MAP3K13: variants seen among roughly 807,000 people sequenced by gnomAD.
The protein encoded by MAP3K13 is mitogen-activated protein kinase kinase kinase 13, also known as leucine zipper-bearing kinase.
MAP3K13 carries 52 observed loss-of-function variants against 104.0 expected under a neutral mutation model. The observed-to-expected ratio is 0.50, with a 90% CI of 0.40 to 0.63. The LOEUF is 0.63. Ranked by LOEUF, MAP3K13 falls within the 20% of genes least tolerant of loss-of-function variation. The pLI is 0.00. For missense variants in MAP3K13, 914 were observed against 1,218.5 expected (o/e 0.75, Z 3.72); for synonymous variants, 394 against 442.2 (o/e 0.89, Z 1.37).
chr3:185,402,056 T>G (rs1231114323), intron 1 of MAP3K13, among the ~76,000 whole-genome samples: 11 of 152,210 alleles, frequency 7.2e-5, no homozygotes, highest in Admixed American at 7.2e-4. Flanking sequence ...CCCTTCTGGA[T>G]TAAATCAGAT....
chr3:185,477,403 C>T lies in MAP3K13; in HGVS notation c.2501+7C>T, dbSNP rs1186925659. The T allele has an allele frequency of 6.2e-7, 1 of 1,605,082 alleles. No homozygotes were observed. Among genetic ancestry groups the T allele is most frequent in the African/African-American group, 1.3e-5 (1 of 74,710 alleles). ...AATTTCCACGAAGACAGAGGTAAAACCAACAAATGCACACGATTGCTTTTA... is the reference window on the plus strand; with the variant it reads ...AATTTCCACGAAGACAGAGGTAAAATCAACAAATGCACACGATTGCTTTTA... On this transcript the variant is annotated splice_region_variant and intron_variant, in intron 12 of 13. Transcript: ENST00000265026.
chr3:185,380,682 T>C (rs747715778), intron 1 of MAP3K13, among the ~76,000 whole-genome samples: 11 of 152,178 alleles, frequency 7.2e-5, no homozygotes, highest in Admixed American at 3.3e-4. Flanking sequence ...AGACTTTTAA[T>C]GTGCCTAGAA....
At chr3:185,403,081 G>A (rs1335452154) in intron 1 of MAP3K13, among the ~76,000 whole-genome samples, 5 of 152,248 alleles carry the variant, frequency 3.3e-5, no homozygotes, top group African/African-American at 7.2e-5. Context: ...AAGAAAAACC[G>A]TGCCAAACCT....
At chr3:185,466,685 G>A in intron 9 of MAP3K13, 141 bp from the exon 10 acceptor site, 3 of 1,046,384 alleles carry the variant, frequency 2.9e-6, no homozygotes, top group South Asian at 3.1e-5. Context: ...CTGTTTGTTT[G>A]TTTTTTAAAC....
chr3:185,301,134 TTTAA>T (rs1440533933), intron 2 of MAP3K13, among the ~76,000 whole-genome samples: 35 of 151,734 alleles, frequency 2.3e-4, no homozygotes, highest in African/African-American at 6.8e-4. Context: ...TTTATTTATT[TTTAA>T]TTAATTAATT....
intron 4 of MAP3K13, among the ~76,000 whole-genome samples, chr3:185,445,633 A>G (rs1715549893): frequency 6.6e-6 from 1 of 152,186 alleles, no homozygotes; most frequent in African/African-American, 2.4e-5. Flanking sequence ...CTTTCCCTCT[A>G]TTAGCAATAA....
At chr3:185,388,448 G>A (rs779374190) in intron 1 of MAP3K13, among the ~76,000 whole-genome samples, 2 of 152,124 alleles carry the variant, frequency 1.3e-5, no homozygotes, top group African/African-American at 2.4e-5. Context: ...GCTGTAGCGA[G>A]CCATGATCAC....
rs762626681 is a variant in MAP3K13 at position 185,482,330 on chromosome 3, T to C, written c.2800-25T>C. 2 of 1,514,468 alleles carry C rather than the reference T, an allele frequency of 1.3e-6. No individual in the cohort carries two copies. Among genetic ancestry groups the C allele is most frequent in the South Asian group, 2.2e-5 (2 of 88,992 alleles). The allele number at this position is 1,514,468 out of a possible 1,614,324, so 93.8% of individuals were successfully genotyped here. ...TTTACTGAGTGATTATCGAAATGAA[T>C]TAAGGTTTTGTCTTGCCTTTGCAGA... On this transcript the variant is annotated intron_variant, in intron 13 of 13. Coordinates refer to ENST00000265026, the MANE Select transcript of MAP3K13 (RefSeq NM_004721.5). The surrounding 1 kb of genome is among the most constrained non-coding windows in gnomAD (Gnocchi z 4.5).
chr3:185,319,012 G>A (rs999927097), intron 2 of MAP3K13, among the ~76,000 whole-genome samples: 2 of 151,898 alleles, frequency 1.3e-5, no homozygotes, highest in African/African-American at 4.8e-5. Flanking sequence ...GTTCTCAATG[G>A]TTTTATCACA....
chr3:185,467,899 C>T (rs1052674297), intron 10 of MAP3K13, among the ~76,000 whole-genome samples: 4 of 151,810 alleles, frequency 2.6e-5, no homozygotes, highest in Admixed American at 6.6e-5. Context: ...CTCAGCTTCT[C>T]GGGAGGCCTC....
In MAP3K13 at chr3:185,443,426, GT is replaced by G; in HGVS notation, c.660-16del. ...CTTGTATGTGTGTATTGATGTACAT[GT>G]TTATGTTTTCTTGGAAGGGGTGTTT... On this transcript the variant is annotated intron_variant, in intron 3 of 13. Coordinates refer to ENST00000265026, the MANE Select transcript of MAP3K13 (RefSeq NM_004721.5). 6.3e-7 allele frequency: 1 copy of G among 1,587,014 alleles called. No homozygotes were observed. The highest frequency in any genetic ancestry group is 2.2e-5 in the East Asian group (1 of 44,522).
intron 2 of MAP3K13, among the ~76,000 whole-genome samples, chr3:185,356,321 T>C (rs1391673102): frequency 1.3e-5 from 2 of 152,222 alleles, no homozygotes; most frequent in Non-Finnish European, 2.9e-5. Context: ...AATGACATTG[T>C]GTTAATAAGT....
Position 185,465,871 on chromosome 3 carries a change from T to C in MAP3K13, c.1505+8T>C. 6.3e-7 allele frequency: 1 copy of C among 1,577,392 alleles called. No individual in the cohort carries two copies. Among genetic ancestry groups the C allele is most frequent in the South Asian group, 1.1e-5 (1 of 90,310 alleles). Reference sequence around the variant, plus strand: ...GGAGAAGGAGCTCATTAAGTATGTATCCAGACTAGTGTCTGTTCTTACTGA... The same window carrying C: ...GGAGAAGGAGCTCATTAAGTATGTACCCAGACTAGTGTCTGTTCTTACTGA... On this transcript the variant is annotated splice_region_variant and intron_variant, in intron 9 of 13. Transcript: ENST00000265026.
intron 7 of MAP3K13, 140 bp downstream of exon 7, chr3:185,451,535 C>G (rs1347437280): frequency 1.6e-6 from 1 of 609,606 alleles, no homozygotes; most frequent in East Asian, 2.8e-5. Context: ...AAATATGATA[C>G]TTCACACATA....
rs1178920191 is a variant in MAP3K13, at chr3:185,447,967, G to T, written c.1010+20G>T. On this transcript the variant is annotated intron_variant, in intron 5 of 13. Transcript: ENST00000265026. The stretch of plus-strand genomic sequence containing the variant: ...TATATGGTGAGTGGCGCCACCAGTT[G>T]TGCCAACTAAAAAGCCTTTTCCCAC... The T allele has an allele frequency of 6.3e-7, 1 of 1,593,082 alleles. No individual in the cohort carries two copies. Among genetic ancestry groups the T allele is most frequent in the South Asian group, 1.1e-5 (1 of 88,410 alleles).
chr3:185,397,714 A>T (rs1712509837), intron 1 of MAP3K13, among the ~76,000 whole-genome samples: 1 of 150,210 alleles, frequency 6.7e-6, no homozygotes, highest in African/African-American at 2.5e-5. Flanking sequence ...AATCAGTCTG[A>T]CCCTTATAAT....
At chr3:185,386,506 C>T (rs571570003) in intron 1 of MAP3K13, among the ~76,000 whole-genome samples, 1 of 152,090 alleles carries the variant, frequency 6.6e-6, no homozygotes, top group Non-Finnish European at 1.5e-5. Context: ...TCCTAAAACA[C>T]GTAGAGGTAA....
chr3:185,381,399 C>T (rs1323334766), intron 1 of MAP3K13, among the ~76,000 whole-genome samples: 1 of 152,174 alleles, frequency 6.6e-6, no homozygotes, highest in Non-Finnish European at 1.5e-5. Context: ...GCAAATTCAC[C>T]TAGTGGCTAG....
chr3:185,362,965 A>ACACACACACACACACACC (rs1723703860), upstream of MAP3K13: 1 of 267,334 alleles, frequency 3.7e-6, no homozygotes, highest in African/African-American at 2.3e-5. Flanking sequence ...ACGCACACAC[A>ACACACACACACACACACC]CACACACACA....
Sources: allele counts gnomAD v4.1 joint callset (sites outside exome capture counted in the v4.1 genomes callset), GRCh38; gene constraint gnomAD v4.1.1; non-coding constraint Gnocchi (gnomAD v3.1); transcripts MANE v1.5; gene names NCBI Gene and HGNC (gene_info 2026-07-23, HGNC 2026-07-21).